The following NKAIN2 variants were observed in gnomAD, a reference collection of about 807,000 sequenced individuals.
The protein encoded by NKAIN2 is sodium/potassium-transporting ATPase subunit beta-1-interacting protein 2.
In NKAIN2, 14 loss-of-function variants were observed where a neutral mutation model predicts 32.6. The ratio of observed to expected loss-of-function variants is 0.43; its 90% confidence interval spans 0.28 to 0.67. The LOEUF (loss-of-function observed/expected upper bound fraction) is 0.67. NKAIN2 is among the 30% of genes least tolerant of loss of function. The pLI, the probability that NKAIN2 is intolerant of heterozygous loss-of-function variation, is 0.17. For synonymous variants in NKAIN2, 80 were observed against 87.2 expected (o/e 0.92, Z 0.46); for missense variants, 198 against 258.3 (o/e 0.77, Z 1.60).
At chr6:124,171,681 A>C (rs1235590825) in intron 1 of NKAIN2, among the ~76,000 whole-genome samples, 1 of 150,582 alleles carries the variant, frequency 6.6e-6, no homozygotes, top group African/African-American at 2.4e-5. Context: ...CTCCCAAGTA[A>C]CTGGGACTAC....
intron 1 of NKAIN2, among the ~76,000 whole-genome samples, chr6:123,904,241 GAAAAAAGAAAGAA>G (rs1220918315): frequency 6.6e-6 from 1 of 150,914 alleles, no homozygotes; most frequent in East Asian, 1.9e-4. Context: ...AAAAAAAAAA[GAAAAAAGAAAGAA>G]AAAAAAGAAA....
intron 3 of NKAIN2, among the ~76,000 whole-genome samples, chr6:124,385,820 C>T (rs921645359): frequency 6.6e-5 from 10 of 152,082 alleles, no homozygotes; most frequent in Non-Finnish European, 1.0e-4. Context: ...TTGCTAAAAT[C>T]TTCCACTGAT....
At chr6:124,766,468 G>A (rs779038919) in intron 4 of NKAIN2, among the ~76,000 whole-genome samples, 36 of 152,046 alleles carry the variant, frequency 2.4e-4, no homozygotes, top group Non-Finnish European at 3.7e-4. Context: ...CACCCTCTCC[G>A]TTGCCTACTC....
At chr6:124,816,138 TG>T (rs1479452678) in intron 5 of NKAIN2, among the ~76,000 whole-genome samples, 2 of 152,170 alleles carry the variant, frequency 1.3e-5, no homozygotes, top group African/African-American at 4.8e-5. Context: ...TGAAAAGTCC[TG>T]GTGGAATCTT....
Position 123,881,446 on chromosome 6 carries a change from A to G in NKAIN2, c.54+77192A>G, listed in dbSNP as rs34872665. ...AGGGCAGAAGGACAAGCAATACAGTATGTTAAATGAAATGCAGTTTACAGT... is the reference window on the plus strand; with the variant it reads ...AGGGCAGAAGGACAAGCAATACAGTGTGTTAAATGAAATGCAGTTTACAGT... On this transcript the variant is annotated intron_variant, in intron 1 of 6. Transcript: ENST00000368417. 3.1e-3 allele frequency among the ~76,000 whole-genome samples: 478 copies of G among 152,340 alleles called. 1 individual carries two copies. Among genetic ancestry groups the G allele is most frequent in the Middle Eastern group, 0.01 (3 of 294 alleles).
At chr6:124,613,537 T>C (rs1782771738) in intron 3 of NKAIN2, among the ~76,000 whole-genome samples, 1 of 152,342 alleles carries the variant, frequency 6.6e-6, no homozygotes, top group African/African-American at 2.4e-5. Flanking sequence ...TTGTTTCTTA[T>C]GGTAAATTAA....
At chr6:124,580,681 A>C (rs1188278667) in intron 3 of NKAIN2, among the ~76,000 whole-genome samples, 1 of 152,236 alleles carries the variant, frequency 6.6e-6, no homozygotes, top group Non-Finnish European at 1.5e-5. Context: ...CGAATATAAA[A>C]GAACTAAACT....
At position 124,447,752 on chromosome 6, in the gene NKAIN2, C is replaced by T. The variant is rs150768129; in HGVS notation, c.273+92405C>T. On this transcript the variant is annotated intron_variant, in intron 3 of 6. Coordinates refer to ENST00000368417, the MANE Select transcript of NKAIN2 (RefSeq NM_001040214.3). ...TCCCATCTCTGCAGGGCATAGTAAC[C>T]GTGGAAGCTTCTCCAGGACTGAAAG... Among the ~76,000 whole-genome samples, 337 of 152,202 alleles carry T rather than the reference C, an allele frequency of 2.2e-3. 3 individuals carry two copies. The highest frequency in any genetic ancestry group is 2.8e-3 in the Admixed American group (43 of 15,272).
intron 1 of NKAIN2, among the ~76,000 whole-genome samples, chr6:124,113,614 C>T (rs1164577057): frequency 2.0e-5 from 3 of 152,078 alleles, no homozygotes; most frequent in Non-Finnish European, 4.4e-5. Flanking sequence ...CTCTGTGTCC[C>T]CCCGCCCCGA....
rs1456196649 is a variant in NKAIN2, at chr6:124,658,317, G to A, written c.405G>A (p.Thr135=). 12 of 1,614,066 alleles carry A rather than the reference G, an allele frequency of 7.4e-6. No homozygotes were observed. The highest frequency in any genetic ancestry group is 2.2e-5 in the East Asian group (1 of 44,868). ...CCCCAGAAGACCATCGCTACATCAC[G>A]GTCTCAGGGTGTTTGCTGGAGTACC... The part of the protein sequence containing the change: ...DWAPEDHRYI[T]VSGCLLEYQY... The change falls in exon 4 of 7, where the codon ACG becomes ACA. Residue 135 remains threonine, a synonymous_variant. Transcript: ENST00000368417.
chr6:124,692,541 G>A (rs1177560951), intron 4 of NKAIN2, among the ~76,000 whole-genome samples: 7 of 152,158 alleles, frequency 4.6e-5, no homozygotes, highest in Middle Eastern at 3.2e-3. Flanking sequence ...TGAGGGCCGG[G>A]TGCGGTGGTT....
chr6:124,167,115 G>T (rs1788590767), intron 1 of NKAIN2, among the ~76,000 whole-genome samples: 1 of 142,952 alleles, frequency 7.0e-6, no homozygotes, highest in Non-Finnish European at 1.5e-5. Flanking sequence ...GGGCAGTATG[G>T]CCATTTTCAC....
Position 124,090,402 on chromosome 6 carries a change from C to T in NKAIN2, c.55-192603C>T, listed in dbSNP as rs76621593. Among the ~76,000 whole-genome samples, 664 of 152,042 alleles carry T rather than the reference C, an allele frequency of 4.4e-3. 7 individuals carry two copies. Among genetic ancestry groups the T allele is most frequent in the African/African-American group, 0.016 (649 of 41,526 alleles). ...TGGCGGTGGGGAGTAAACTTTCTGA[C>T]TGCAGTCATTTTGGTATAATAGGAT... is the stretch of plus-strand genomic sequence containing the variant. On this transcript the variant is annotated intron_variant, in intron 1 of 6. Transcript: ENST00000368417.
At chr6:123,875,859 GA>G (rs1464573604) in intron 1 of NKAIN2, among the ~76,000 whole-genome samples, 42 of 151,898 alleles carry the variant, frequency 2.8e-4, no homozygotes, top group African/African-American at 9.6e-4. Context: ...TGACTAATTT[GA>G]TCCTTTGTGA....
chr6:123,896,517 A>C lies in NKAIN2; in HGVS notation c.54+92263A>C, dbSNP rs142320469. Among the ~76,000 whole-genome samples the C allele has an allele frequency of 4.0e-4, 61 of 152,312 alleles. No individual in the cohort carries two copies. The East Asian group carries it at 7.9e-3, about 20-fold the overall frequency. On this transcript the variant is annotated intron_variant, in intron 1 of 6. Coordinates refer to ENST00000368417, the MANE Select transcript of NKAIN2 (RefSeq NM_001040214.3). ...TATTCACAAAAGAAAGAAGAGAACT[A>C]ATATTTGAGCACATGACCATTCATG...
chr6:124,027,081 G>T (rs1699935650), intron 1 of NKAIN2, among the ~76,000 whole-genome samples: 1 of 149,666 alleles, frequency 6.7e-6, no homozygotes, highest in Non-Finnish European at 1.5e-5. Context: ...CTTAGCAATT[G>T]TTTTCCCTGG....
chr6:124,815,336 T>C (rs1426201030), intron 5 of NKAIN2, among the ~76,000 whole-genome samples: 1 of 149,558 alleles, frequency 6.7e-6, no homozygotes, highest in East Asian at 1.9e-4. Context: ...TGCAATGGCA[T>C]GATCTCTGCT....
intron 1 of NKAIN2, among the ~76,000 whole-genome samples, chr6:123,832,767 A>G (rs577327844): frequency 3.9e-5 from 6 of 152,048 alleles, no homozygotes; most frequent in African/African-American, 1.4e-4. Flanking sequence ...ACATCTGTAT[A>G]TTTTCTTTGT....
At chr6:124,009,186 C>G (rs1482360192) in intron 1 of NKAIN2, among the ~76,000 whole-genome samples, 1 of 152,078 alleles carries the variant, frequency 6.6e-6, no homozygotes, top group Non-Finnish European at 1.5e-5. Context: ...ACTCTACTTT[C>G]ATTAGGAGGG....
Sources: allele counts gnomAD v4.1 joint callset (sites outside exome capture counted in the v4.1 genomes callset), GRCh38; gene constraint gnomAD v4.1.1; transcripts MANE v1.5; gene names NCBI Gene and HGNC (gene_info 2026-07-23, HGNC 2026-07-21).